CLDN2: variants seen among roughly 807,000 people sequenced by gnomAD.
CLDN2 encodes the protein claudin 2.
In CLDN2, 1 loss-of-function variant was observed where a neutral mutation model predicts 8.2. That is an observed-to-expected ratio of 0.12 (90% CI 0.04 to 0.58). CLDN2 has a LOEUF of 0.58. Among genes scored for constraint, CLDN2 ranks in the 20% least tolerant of loss-of-function variants. The pLI is 0.90. For missense variants in CLDN2, 108 were observed against 172.9 expected (o/e 0.62, Z 2.11); for synonymous variants, 70 against 70.2 (o/e 1.00, Z 0.01).
chrX:106,913,940 C>T (rs58973737), upstream of CLDN2, among the ~76,000 whole-genome samples: 5,910 of 103,751 alleles, frequency 0.057, 519 homozygotes, highest in African/African-American at 0.21. Flanking sequence ...TTTTCCACCA[C>T]TAGAAAACTT....
chrX:106,901,966 G>A (rs946859190), intron 1 of CLDN2, among the ~76,000 whole-genome samples: 1 of 112,107 alleles, frequency 8.9e-6, no homozygotes, highest in African/African-American at 3.2e-5. Flanking sequence ...CTTTCCAATT[G>A]CCACAGAAAG....
chrX:106,903,528 A>G (rs941621097), intron 1 of CLDN2, among the ~76,000 whole-genome samples: 3 of 111,710 alleles, frequency 2.7e-5, no homozygotes, highest in Non-Finnish European at 5.6e-5. Context: ...GTGGGAGGTG[A>G]GGGATTTGCT....
chrX:106,909,386 T>C (rs1200751665), intron 1 of CLDN2, among the ~76,000 whole-genome samples: 1 of 110,323 alleles, frequency 9.1e-6, no homozygotes, highest in Non-Finnish European at 1.9e-5. Flanking sequence ...GTGGGGAGAG[T>C]GGGCTGTCTT....
intron 1 of CLDN2, among the ~76,000 whole-genome samples, chrX:106,927,395 GAT>G (rs1933484365): frequency 9.0e-6 from 1 of 111,139 alleles, no homozygotes; most frequent in Non-Finnish European, 1.9e-5. Context: ...CCAAGAGGCT[GAT>G]GATGGGAGCA....
At chrX:106,902,176 A>G (rs1364942126) in intron 1 of CLDN2, 1 of 1,193,576 alleles carries the variant, frequency 8.4e-7, no homozygotes, top group Non-Finnish European at 1.1e-6. Flanking sequence ...TTGGGGAGTC[A>G]TTTGTGGAAG....
In CLDN2 at chrX:106,928,743, T is replaced by C; in HGVS notation, c.515T>C (p.Leu172Pro). The stretch of plus-strand genomic sequence containing the variant: ...CTTTACTTGGGCATTATTTCTTCCC[T>C]GTTCTCCCTGATAGCTGGAATCATC... ...EALYLGIISS[L>P]FSLIAGIILC... Residue 172 changes from leucine to proline, a missense_variant, in exon 2 of 2, where the codon CTG becomes CCG. Coordinates refer to ENST00000336803, the MANE Select transcript of CLDN2 (RefSeq NM_020384.4). 8.3e-7 allele frequency: 1 copy of C among 1,211,473 alleles called. No individual in the cohort carries two copies. Among genetic ancestry groups the C allele is most frequent in the Non-Finnish European group, 1.1e-6 (1 of 895,431 alleles).
intron 1 of CLDN2, among the ~76,000 whole-genome samples, chrX:106,906,798 C>G (rs2147787581): frequency 9.0e-6 from 1 of 111,354 alleles, no homozygotes; most frequent in East Asian, 2.9e-4. Flanking sequence ...AGTTCAGCTT[C>G]TCTACACCAG....
At chrX:106,902,176 A>T (rs1364942126) in intron 1 of CLDN2, 1 of 1,191,646 alleles carries the variant, frequency 8.4e-7, no homozygotes, top group Admixed American at 2.3e-5. Context: ...TTGGGGAGTC[A>T]TTTGTGGAAG....
chrX:106,900,934 C>T (rs1933083225), intron 1 of CLDN2: 2 of 1,200,421 alleles, frequency 1.7e-6, no homozygotes, highest in Non-Finnish European at 2.2e-6. Context: ...AAACATGGCC[C>T]CTAACAGGTG....
intron 1 of CLDN2, among the ~76,000 whole-genome samples, chrX:106,922,879 G>A (rs1200846538): frequency 9.0e-6 from 1 of 111,281 alleles, no homozygotes; most frequent in Non-Finnish European, 1.9e-5. Context: ...ATGAGGCTGT[G>A]AAGAAAAGCC....
At chrX:106,917,853 C>T (rs1300473014), upstream of CLDN2, among the ~76,000 whole-genome samples, 4 of 111,366 alleles carry the variant, frequency 3.6e-5, no homozygotes, top group East Asian at 1.1e-3. Context: ...CTCTCCATTC[C>T]CGCACCCATC....
intron 1 of CLDN2, among the ~76,000 whole-genome samples, chrX:106,906,561 C>T (rs144521428): frequency 6.3e-4 from 70 of 111,413 alleles, no homozygotes; most frequent in Admixed American, 2.5e-3. Context: ...CCTTCTACTT[C>T]CCTGAGAAAA....
Position 106,928,100 on chromosome X carries a change from G to T in CLDN2, c.-129G>T. 1 of 497,976 alleles carries T rather than the reference G, an allele frequency of 2.0e-6. No homozygotes were observed. 41.0% of individuals were successfully genotyped at this position (497,976 alleles called of 1,213,427 possible). ...TGCTTGTGGCCACCCACAGACACTT[G>T]TAAGGAGGAGAGAAGTCAGCCTGGC... On this transcript the variant is annotated 5_prime_UTR_variant, in exon 2 of 2. Transcript: ENST00000336803.
chrX:106,900,715 TCA>T, intron 1 of CLDN2: 1 of 1,183,008 alleles, frequency 8.5e-7, no homozygotes, highest in East Asian at 3.1e-5. Context: ...CCTGGTACCC[TCA>T]CACACCCTTC....
chrX:106,924,910 T>A (rs1467486405), intron 1 of CLDN2, among the ~76,000 whole-genome samples: 1 of 108,805 alleles, frequency 9.2e-6, no homozygotes, highest in Admixed American at 1.0e-4. Context: ...ATTTTAGTCA[T>A]ATGGAGCCCC....
chrX:106,902,087 C>G (rs1372030406), intron 1 of CLDN2: 2 of 1,045,420 alleles, frequency 1.9e-6, no homozygotes, highest in Non-Finnish European at 2.6e-6. Flanking sequence ...GACCTGGTCA[C>G]TGTTAATGCA....
rs138940274 is a variant in CLDN2 at position 106,926,285 on chromosome X, C to G, written c.-178-1766C>G. On this transcript the variant is annotated intron_variant, in intron 1 of 1. Coordinates refer to ENST00000336803, the MANE Select transcript of CLDN2 (RefSeq NM_020384.4). Reference sequence around the variant, plus strand: ...GTGATGAGTTCACTTTTGGACATGTCAAATTCGAGATGTCTATGAGATTTC... The same window carrying G: ...GTGATGAGTTCACTTTTGGACATGTGAAATTCGAGATGTCTATGAGATTTC... Among the ~76,000 whole-genome samples, 594 of 111,468 alleles carry G rather than the reference C, an allele frequency of 5.3e-3. 6 individuals are homozygous for G. Among genetic ancestry groups the G allele is most frequent in the African/African-American group, 0.018 (554 of 30,628 alleles).
chrX:106,903,469 T>C (rs1050332333), intron 1 of CLDN2: 4 of 390,699 alleles, frequency 1.0e-5, no homozygotes, highest in African/African-American at 5.2e-5. Flanking sequence ...GAGGGAAAGC[T>C]GGGTTACCTG....
intron 1 of CLDN2, among the ~76,000 whole-genome samples, chrX:106,909,838 A>C (rs2147788559): frequency 9.0e-6 from 1 of 111,280 alleles, no homozygotes; most frequent in African/African-American, 3.3e-5. Flanking sequence ...TGCTTGGTCC[A>C]CCATTTGAGC....
Sources: gnomAD v4.1 joint callset for allele counts (sites outside exome capture counted in the v4.1 genomes callset) on GRCh38, gnomAD v4.1.1 for gene constraint, MANE v1.5 for transcripts, NCBI Gene and HGNC (gene_info 2026-07-23, HGNC 2026-07-21) for gene names.